The following PKM variants were observed in gnomAD, a reference collection of about 807,000 sequenced individuals.
The protein encoded by PKM is pyruvate kinase M1/2, also known as pyruvate kinase PKM.
Under a neutral mutation model 49.8 loss-of-function variants are expected in PKM, and 18 were observed. That is an observed-to-expected ratio of 0.36 (90% CI 0.25 to 0.54). The LOEUF is 0.54. Ranked by LOEUF, PKM falls within the 20% of genes least tolerant of loss-of-function variation. The pLI is 0.89. For missense variants in PKM, 508 were observed against 713.8 expected, an observed-to-expected ratio of 0.71 and a Z score of 3.28; for synonymous variants, 239 against 261.8, an observed-to-expected ratio of 0.91 and a Z score of 0.84.
chr15:72,200,776 A>T lies in PKM; in HGVS notation c.1308-121T>A. 3 of 820,888 alleles carry T rather than the reference A, an allele frequency of 3.7e-6. No homozygotes were observed. The highest frequency in any genetic ancestry group is 5.8e-6 in the Non-Finnish European group (3 of 521,076). The allele number at this position is 820,888 out of a possible 1,614,324, so 50.9% of individuals were successfully genotyped here. On this transcript the variant is annotated intron_variant, in intron 9 of 10. Coordinates refer to ENST00000335181, the MANE Select transcript of PKM (RefSeq NM_002654.6). The surrounding 1 kb of genome is among the most constrained non-coding windows in gnomAD (Gnocchi z 4.6). The stretch of plus-strand genomic sequence containing the variant: ...CACTGAGGGCTCTGGCCTCTTCAAC[A>T]TCTGCTCCCTAGGACCCCTCCCGAG...
chr15:72,221,759 C>A (rs1328006838), intron 1 of PKM, among the ~76,000 whole-genome samples: 1 of 151,770 alleles, frequency 6.6e-6, no homozygotes, highest in African/African-American at 2.4e-5. Flanking sequence ...GAATAATCTG[C>A]TTTTAAAAGG....
Position 72,202,652 on chromosome 15 carries a change from G to C in PKM, c.1141-32C>G. On this transcript the variant is annotated intron_variant, in intron 8 of 10. Coordinates refer to ENST00000335181, the MANE Select transcript of PKM (RefSeq NM_002654.6). This position sits in a 1 kb window ranked among gnomAD's most constrained non-coding sequence, Gnocchi z 4.5. ...GAGCAACATCCGTCCAGAGGGACGA[G>C]AGGGGGACAGAGCTTTGTCAGAGCT... is the stretch of plus-strand genomic sequence containing the variant. 3 of 1,584,350 alleles carry C rather than the reference G, an allele frequency of 1.9e-6. No individual in the cohort carries two copies. The highest frequency in any genetic ancestry group is 1.3e-5 in the African/African-American group (1 of 74,402).
At chr15:72,229,553 G>A in intron 1 of PKM, 1 of 1,287,406 alleles carries the variant, frequency 7.8e-7, no homozygotes, top group Non-Finnish European at 1.0e-6. Context: ...TTACATGACT[G>A]AGTCTTTAAA....
chr15:72,221,924 CA>C (rs10706808), intron 1 of PKM, among the ~76,000 whole-genome samples: 95,253 of 109,948 alleles, frequency 0.87, 41,443 homozygotes, highest in South Asian at 0.97. Flanking sequence ...AACCTCAAAG[CA>C]AAAAAAAAAA....
intron 1 of PKM, among the ~76,000 whole-genome samples, chr15:72,224,244 G>A (rs949679020): frequency 3.9e-5 from 6 of 152,178 alleles, no homozygotes; most frequent in Non-Finnish European, 5.9e-5. Context: ...AGGATTAAAA[G>A]TAGGGCGGTG....
chr15:72,213,400 C>T (rs1425297178), intron 3 of PKM, among the ~76,000 whole-genome samples: 1 of 152,140 alleles, frequency 6.6e-6, no homozygotes, highest in Non-Finnish European at 1.5e-5. Context: ...GAAGGGGAGA[C>T]AATTCAGCCA....
chr15:72,206,725 C>T lies in PKM; in HGVS notation c.1140+3G>A. 6.2e-7 allele frequency: 1 copy of T among 1,612,666 alleles called. No individual in the cohort carries two copies. ...GGGGGATGGGGCAGGCCCCAGAACT[C>T]ACCAGGTGCTGCATGCGCACAGCCT... is the stretch of plus-strand genomic sequence containing the variant. On this transcript the variant is annotated splice_donor_region_variant and intron_variant, in intron 8 of 10. Coordinates refer to ENST00000335181, the MANE Select transcript of PKM (RefSeq NM_002654.6).
At chr15:72,208,977 G>A (rs2082161234) in intron 5 of PKM, 86 bp from the exon 6 acceptor site, 4 of 1,416,724 alleles carry the variant, frequency 2.8e-6, no homozygotes, top group Middle Eastern at 1.7e-4. Context: ...AGGACAGTGA[G>A]CTGGGAAGTG....
At chr15:72,217,302 AACTCAG>A (rs2082399574) in intron 3 of PKM, 101 bp downstream of exon 3, 1 of 755,714 alleles carries the variant, frequency 1.3e-6, no homozygotes, top group African/African-American at 1.7e-5. Context: ...CTGACTGTGA[AACTCAG>A]ACTCATCCTT....
intron 8 of PKM, among the ~76,000 whole-genome samples, chr15:72,205,173 G>C (rs776538305): frequency 5.3e-5 from 8 of 151,886 alleles, no homozygotes; most frequent in Non-Finnish European, 1.2e-4. Context: ...ACCTAGGCTG[G>C]TACCATCTTG....
intron 1 of PKM, among the ~76,000 whole-genome samples, chr15:72,225,370 G>A (rs1448260867): frequency 3.3e-5 from 5 of 151,336 alleles, no homozygotes; most frequent in Non-Finnish European, 7.4e-5. Flanking sequence ...AAATAGAGAT[G>A]GGAATCTTGC....
chr15:72,200,187 T>C lies in PKM; in HGVS notation c.1489+287A>G, dbSNP rs2081906861. ...TCAGTAATGAGCAGATGCCAAAAAA[T>C]GGACAATTTTGCTTTGAGCCCCAGA... On this transcript the variant is annotated intron_variant, in intron 10 of 10. Transcript: ENST00000335181. The surrounding 1 kb of genome is among the most constrained non-coding windows in gnomAD (Gnocchi z 4.6). Among the ~76,000 whole-genome samples the C allele has an allele frequency of 6.6e-6, 1 of 150,462 alleles. No homozygotes were observed. Among genetic ancestry groups the C allele is most frequent in the Non-Finnish European group, 1.5e-5 (1 of 67,550 alleles).
rs569328016 is a variant in PKM, at chr15:72,217,483, C to T, written c.172G>A (p.Val58Met). 6.2e-6 allele frequency: 10 copies of T among 1,609,602 alleles called. No homozygotes were observed. Among genetic ancestry groups the T allele is most frequent in the Middle Eastern group, 1.7e-4 (1 of 6,058 alleles). Residue 58 changes from valine (V) to methionine (M), a missense_variant, in exon 3 of 11, where the codon GTG becomes ATG. Transcript: ENST00000335181. ...TTAATCATCTCCTTCAACGTCTCCA[C>T]TGATCGGGAAGCTGGGCCTATTAGG... Reference protein sequence around the residue: ...ICTIGPASRSVETLKEMIKSG... With the variant: ...ICTIGPASRSMETLKEMIKSG...
At chr15:72,212,650 T>G (rs1353369549) in intron 3 of PKM, among the ~76,000 whole-genome samples, 1 of 152,182 alleles carries the variant, frequency 6.6e-6, no homozygotes, top group African/African-American at 2.4e-5. Flanking sequence ...ATGATAAGAC[T>G]CAGGTGTACT....
chr15:72,224,384 A>C (rs1339366276), intron 1 of PKM, among the ~76,000 whole-genome samples: 3 of 152,172 alleles, frequency 2.0e-5, no homozygotes, highest in African/African-American at 7.2e-5. Flanking sequence ...ATTTACTGGA[A>C]GGGCTGCCCT....
At chr15:72,215,363 G>A (rs954511186) in intron 3 of PKM, among the ~76,000 whole-genome samples, 1 of 152,138 alleles carries the variant, frequency 6.6e-6, no homozygotes, top group Non-Finnish European at 1.5e-5. Flanking sequence ...CACATGAAAC[G>A]ATAGCCCTGA....
intron 8 of PKM, 45 bp downstream of exon 8, chr15:72,206,683 G>A (rs2082087026): frequency 6.3e-7 from 1 of 1,596,180 alleles, no homozygotes. Flanking sequence ...TCCATCCCAG[G>A]CCCAGTCCGA....
chr15:72,221,164 A>G lies in PKM; in HGVS notation c.-13-2054T>C, dbSNP rs1208894025. On this transcript the variant is annotated intron_variant, in intron 1 of 10. Transcript: ENST00000335181. ...GGCTGGGGCCACTGAATATCAGGTC[A>G]TACCTTTGGTTCTCTGGGGTTGGGC... The G allele has an allele frequency of 1.2e-5, 18 of 1,500,538 alleles. No individual in the cohort carries two copies. In the East Asian group the frequency reaches 4.4e-4, roughly 37 times the overall value. The allele number at this position is 1,500,538 out of a possible 1,614,324, so 93.0% of individuals were successfully genotyped here. A position where few individuals can be genotyped will look rare whatever the true frequency, so the allele number is the denominator to read the frequency against.
chr15:72,202,535 G>C lies in PKM; in HGVS notation c.1226C>G (p.Thr409Arg). 1.7e-5 allele frequency: 28 copies of C among 1,613,600 alleles called. No homozygotes were observed. Among genetic ancestry groups the C allele is most frequent in the Non-Finnish European group, 2.4e-5 (28 of 1,179,890 alleles). Residue 409 changes from threonine to arginine, a missense_variant, in exon 9 of 11, where the codon ACA (threonine) becomes AGA (arginine). Thr to Arg is a moderately conservative substitution (Grantham distance 71). Coordinates refer to ENST00000335181, the MANE Select transcript of PKM (RefSeq NM_002654.6). This position sits in a 1 kb window ranked among gnomAD's most constrained non-coding sequence, Gnocchi z 4.5. Reference protein sequence around the residue: ...RRLAPITSDPTEATAVGAVEA... With the variant: ...RRLAPITSDPREATAVGAVEA... ...CACGGCACCCACGGCGGTGGCTTCT[G>C]TGGGGTCGCTGGTAATGGGCGCCAG... is the stretch of plus-strand genomic sequence containing the variant.
Sources: allele counts gnomAD v4.1 joint callset (sites outside exome capture counted in the v4.1 genomes callset), GRCh38; gene constraint gnomAD v4.1.1; non-coding constraint Gnocchi (gnomAD v3.1); transcripts MANE v1.5; gene names NCBI Gene and HGNC (gene_info 2026-07-23, HGNC 2026-07-21).